Variants in YEATS2 observed in about 807,000 individuals in gnomAD.
YEATS2 encodes the protein YEATS domain-containing protein 2.
Under a neutral mutation model 163.2 loss-of-function variants are expected in YEATS2, and 77 were observed. That is an observed-to-expected ratio of 0.47 (90% CI 0.39 to 0.57). The LOEUF is 0.57. Ranked by LOEUF, YEATS2 falls within the 20% of genes least tolerant of loss-of-function variation. YEATS2 has a pLI of 0.00. For synonymous variants in YEATS2, 631 were observed against 645.1 expected (o/e 0.98, Z 0.33); for missense variants, 1,549 against 1,729.8 (o/e 0.90, Z 1.85).
At chr3:183,765,140 G>T (rs1721776589) in intron 15 of YEATS2, among the ~76,000 whole-genome samples, 2 of 152,142 alleles carry the variant, frequency 1.3e-5, no homozygotes. Context: ...GGCTTCAGGG[G>T]TAAGAATTCT....
intron 20 of YEATS2, among the ~76,000 whole-genome samples, chr3:183,787,714 T>C (rs906784637): frequency 1.3e-5 from 2 of 151,986 alleles, no homozygotes; most frequent in Non-Finnish European, 2.9e-5. Context: ...TTTTTTAAAT[T>C]AGGCTGGGCG....
intron 7 of YEATS2, 91 bp downstream of exon 7, chr3:183,728,942 G>A (rs533306136): frequency 1.5e-6 from 2 of 1,349,246 alleles, no homozygotes; most frequent in African/African-American, 1.5e-5. Context: ...ACATTTCCTG[G>A]AAATGCAGTA....
At chr3:183,755,322 G>C (rs2109307878) in intron 11 of YEATS2, among the ~76,000 whole-genome samples, 1 of 152,168 alleles carries the variant, frequency 6.6e-6, no homozygotes, top group African/African-American at 2.4e-5. Context: ...TCACCATATT[G>C]GCCAGGCTGG....
chr3:183,730,939 T>C (rs1053661399), intron 7 of YEATS2, among the ~76,000 whole-genome samples: 2 of 152,064 alleles, frequency 1.3e-5, no homozygotes, highest in Admixed American at 1.3e-4. Context: ...GGGCAAGAAA[T>C]AGAAGTCTCC....
intron 28 of YEATS2, 54 bp downstream of exon 28, chr3:183,807,146 T>G: frequency 6.6e-7 from 1 of 1,506,140 alleles, no homozygotes; most frequent in Non-Finnish European, 9.1e-7. Flanking sequence ...GAGCTAGATG[T>G]TCAGACGTTC....
chr3:183,791,994 G>A (rs1018747731), intron 21 of YEATS2, among the ~76,000 whole-genome samples: 7 of 152,166 alleles, frequency 4.6e-5, no homozygotes, highest in Non-Finnish European at 1.0e-4. Context: ...TCAGTGCTTA[G>A]AATACTGTCT....
intron 9 of YEATS2, among the ~76,000 whole-genome samples, chr3:183,750,855 A>T (rs192964792): frequency 2.3e-4 from 35 of 152,308 alleles, no homozygotes; most frequent in African/African-American, 7.5e-4. Flanking sequence ...ACCCCTTACC[A>T]GATAGATGAT....
At chr3:183,765,485 A>C (rs1377057812) in intron 15 of YEATS2, among the ~76,000 whole-genome samples, 1 of 152,218 alleles carries the variant, frequency 6.6e-6, no homozygotes, top group Admixed American at 6.5e-5. Flanking sequence ...AGGGCATCTG[A>C]AAAGAAAAAC....
At chr3:183,731,076 C>T (rs1466244054) in intron 7 of YEATS2, among the ~76,000 whole-genome samples, 3 of 151,756 alleles carry the variant, frequency 2.0e-5, no homozygotes, top group Non-Finnish European at 2.9e-5. Context: ...CTGAGGCGGG[C>T]GGATCACGAG....
At chr3:183,769,745 T>A (rs1722262830) in intron 15 of YEATS2, among the ~76,000 whole-genome samples, 1 of 152,062 alleles carries the variant, frequency 6.6e-6, no homozygotes, top group African/African-American at 2.4e-5. Context: ...CAGGCTAGAG[T>A]GCAGTGGCAC....
intron 15 of YEATS2, among the ~76,000 whole-genome samples, chr3:183,766,820 A>C (rs1041879241): frequency 6.6e-6 from 1 of 151,888 alleles, no homozygotes; most frequent in African/African-American, 2.4e-5. Flanking sequence ...ACCACACCCA[A>C]TTAGGTTTTT....
At chr3:183,730,360 C>T (rs1165325783) in intron 7 of YEATS2, among the ~76,000 whole-genome samples, 3 of 152,054 alleles carry the variant, frequency 2.0e-5, no homozygotes, top group Admixed American at 6.6e-5. Flanking sequence ...CTACCATGTC[C>T]GGCCCATATT....
chr3:183,718,685 ATTTC>A (rs541835401), intron 4 of YEATS2, 93 bp downstream of exon 4: 2 of 1,035,818 alleles, frequency 1.9e-6, no homozygotes, highest in African/African-American at 3.3e-5. Flanking sequence ...CATCTGAAAC[ATTTC>A]TTTCTGTTTG....
intron 11 of YEATS2, 73 bp downstream of exon 11, chr3:183,754,438 A>C: frequency 6.6e-7 from 1 of 1,518,024 alleles, no homozygotes; most frequent in South Asian, 1.3e-5. Context: ...ACAAAACAAA[A>C]TACTTGGCTT....
At chr3:183,764,978 T>C (rs1027794465) in intron 15 of YEATS2, among the ~76,000 whole-genome samples, 12 of 152,174 alleles carry the variant, frequency 7.9e-5, no homozygotes, top group Admixed American at 7.9e-4. Context: ...GGAATCTGGG[T>C]TTTTAATAAG....
At position 183,776,051 on chromosome 3, in the gene YEATS2, A is replaced by G; in HGVS notation, c.2505A>G (p.Gln835=). 2 of 1,613,516 alleles carry G rather than the reference A, an allele frequency of 1.2e-6. No homozygotes were observed. Among genetic ancestry groups the G allele is most frequent in the Non-Finnish European group, 1.7e-6 (2 of 1,179,786 alleles). ...GAGGAACAGCAGGAGGAGGAACTCA[A>G]AGTACTGCTGGCCCTGGAGGGATAT... ...GGGGTAGGGT[Q]STAGPGGISQ... The change falls in exon 18 of 31, where the codon CAA becomes CAG. Residue 835 remains glutamine, a synonymous_variant. Coordinates refer to ENST00000305135, the MANE Select transcript of YEATS2 (RefSeq NM_018023.5).
At chr3:183,805,806 A>C (rs1348431362) in intron 27 of YEATS2, among the ~76,000 whole-genome samples, 3 of 151,504 alleles carry the variant, frequency 2.0e-5, no homozygotes, top group Non-Finnish European at 4.4e-5. Context: ...AAGGGGGGGC[A>C]AGTCCCAGTT....
At chr3:183,720,718 C>T (rs974106780) in intron 4 of YEATS2, among the ~76,000 whole-genome samples, 3 of 152,132 alleles carry the variant, frequency 2.0e-5, no homozygotes, top group African/African-American at 7.2e-5. Flanking sequence ...CTACCATAAG[C>T]TTCGTGATGT....
At chr3:183,718,678 C>G in intron 4 of YEATS2, 86 bp downstream of exon 4, 1 of 1,052,366 alleles carries the variant, frequency 9.5e-7, no homozygotes, top group Non-Finnish European at 1.4e-6. Flanking sequence ...ATCCCTGCAT[C>G]TGAAACATTT....
Sources: gnomAD v4.1 joint callset for allele counts (sites outside exome capture counted in the v4.1 genomes callset) on GRCh38, gnomAD v4.1.1 for gene constraint, MANE v1.5 for transcripts, NCBI Gene and HGNC (gene_info 2026-07-23, HGNC 2026-07-21) for gene names.